Variants in PRMT8 observed in about 807,000 individuals in gnomAD.
PRMT8 encodes protein arginine N-methyltransferase 8.
PRMT8 carries 7 observed loss-of-function variants against 47.1 expected under a neutral mutation model. The observed-to-expected ratio is 0.15, with a 90% CI of 0.08 to 0.28. The LOEUF (loss-of-function observed/expected upper bound fraction) is 0.28. Among genes scored for constraint, PRMT8 ranks in the 10% least tolerant of loss-of-function variants. The pLI is 1.00. For synonymous variants in PRMT8, 188 were observed against 186.5 expected, an observed-to-expected ratio of 1.01 and a Z score of -0.07; for missense variants, 237 against 505.4, an observed-to-expected ratio of 0.47 and a Z score of 5.09.
chr12:3,555,036 G>A, intron 4 of PRMT8, among the ~76,000 whole-genome samples: 1 of 152,206 alleles, frequency 6.6e-6, no homozygotes, highest in Non-Finnish European at 1.5e-5. Context: ...CCTACTTGCT[G>A]CAGACTCTTT....
At chr12:3,469,287 G>A in intron 1 of PRMT8, 1 of 434,346 alleles carries the variant, frequency 2.3e-6, no homozygotes, top group South Asian at 1.9e-5. Flanking sequence ...CCCCACCAAA[G>A]CCCATGTAAG....
Position 3,593,430 on chromosome 12 carries a change from C to A in PRMT8, c.*248C>A. 2 of 491,744 alleles carry A rather than the reference C, an allele frequency of 4.1e-6. No homozygotes were observed. The highest frequency in any genetic ancestry group is 3.6e-6 in the Non-Finnish European group (1 of 278,438). 30.5% of individuals were successfully genotyped at this position (491,744 alleles called of 1,614,324 possible). ...GTGTTGCCAACAAAGAGCGACCTGG[C>A]GTGCTGTGGCTGGGCCCCGAGGGTG... On this transcript the variant is annotated 3_prime_UTR_variant, in exon 10 of 10. Transcript: ENST00000382622. This position sits in a 1 kb window ranked among gnomAD's most constrained non-coding sequence, Gnocchi z 4.8.
rs144271378 is a variant in PRMT8 at position 3,583,848 on chromosome 12, C to T, written c.979+640C>T. ...CTCATTCCTCACCACCCCTCTTGGCCGAGCCCTGTCCCGTCGCTGCTACCC... is the reference window on the plus strand; with the variant it reads ...CTCATTCCTCACCACCCCTCTTGGCTGAGCCCTGTCCCGTCGCTGCTACCC... On this transcript the variant is annotated intron_variant, in intron 8 of 9. Transcript: ENST00000382622. This position sits in a 1 kb window ranked among gnomAD's most constrained non-coding sequence, Gnocchi z 4.7. Among the ~76,000 whole-genome samples the T allele has an allele frequency of 2.6e-5, 4 of 152,308 alleles. No homozygotes were observed. Among genetic ancestry groups the T allele is most frequent in the East Asian group, 3.9e-4 (2 of 5,182 alleles).
chr12:3,471,546 T>C (rs1865162594), intron 1 of PRMT8, among the ~76,000 whole-genome samples: 1 of 151,696 alleles, frequency 6.6e-6, no homozygotes, highest in African/African-American at 2.4e-5. Flanking sequence ...CCCAGCACGA[T>C]GCCTCCTCAG....
At chr12:3,407,041 C>A (rs1246171196) in intron 1 of PRMT8, among the ~76,000 whole-genome samples, 1 of 152,186 alleles carries the variant, frequency 6.6e-6, no homozygotes, top group African/African-American at 2.4e-5. Flanking sequence ...TTCAGCATGC[C>A]TGGGGAGGAT....
rs992599632 is a variant in PRMT8, at chr12:3,496,298, T to C, written c.75+4598T>C. ...GGGAATAATTACAGGTTGGAAAAAA[T>C]CCTACAATGTGACAATGAGATTAGG... is the stretch of plus-strand genomic sequence containing the variant. On this transcript the variant is annotated intron_variant, in intron 1 of 9. Coordinates refer to ENST00000382622, the MANE Select transcript of PRMT8 (RefSeq NM_019854.5). 9.6e-4 allele frequency among the ~76,000 whole-genome samples: 129 copies of C among 134,582 alleles called. 1 individual carries two copies. The highest frequency in any genetic ancestry group is 3.2e-3 in the African/African-American group (120 of 37,124). 88.3% of individuals were successfully genotyped at this position (134,582 alleles called of 152,430 possible).
In PRMT8 at chr12:3,569,333, T is replaced by G; in HGVS notation, c.625-144T>G. 1.3e-6 allele frequency: 1 copy of G among 748,190 alleles called. No individual in the cohort carries two copies. Among genetic ancestry groups the G allele is most frequent in the South Asian group, 1.6e-5 (1 of 64,250 alleles). 46.3% of individuals were successfully genotyped at this position (748,190 alleles called of 1,614,324 possible). A position where few individuals can be genotyped will look rare whatever the true frequency, so the allele number is the denominator to read the frequency against. On this transcript the variant is annotated intron_variant, in intron 5 of 9. Coordinates refer to ENST00000382622, the MANE Select transcript of PRMT8 (RefSeq NM_019854.5). This position sits in a 1 kb window ranked among gnomAD's most constrained non-coding sequence, Gnocchi z 8.2. ...AAATTGAGCACTGCTGTCCTAGCCC[T>G]CACCCCAGACAAGGTGACAGTCCAC...
chr12:3,536,757 C>T (rs559155217), intron 1 of PRMT8, among the ~76,000 whole-genome samples: 5 of 152,252 alleles, frequency 3.3e-5, no homozygotes, highest in East Asian at 1.9e-4. Flanking sequence ...GTGCAATGCT[C>T]GGGCCACACA....
intron 2 of PRMT8, among the ~76,000 whole-genome samples, chr12:3,547,053 T>A (rs984301951): frequency 2.6e-5 from 4 of 152,118 alleles, no homozygotes; most frequent in African/African-American, 9.7e-5. Flanking sequence ...AAAAAGCATG[T>A]GACAAAATTA....
intron 1 of PRMT8, among the ~76,000 whole-genome samples, chr12:3,459,330 C>CT (rs879275474): frequency 2.0e-5 from 3 of 152,104 alleles, no homozygotes; most frequent in African/African-American, 4.8e-5. Context: ...GTGAGAAGAG[C>CT]TTTTTTTCTG....
intron 1 of PRMT8, among the ~76,000 whole-genome samples, chr12:3,465,175 A>T (rs1285872138): frequency 1.5e-4 from 21 of 140,856 alleles, no homozygotes; most frequent in Admixed American, 7.1e-4. Flanking sequence ...ATATATATTT[A>T]TATATATATT....
chr12:3,445,193 G>A (rs998117484), intron 1 of PRMT8, among the ~76,000 whole-genome samples: 9 of 152,234 alleles, frequency 5.9e-5, no homozygotes, highest in South Asian at 4.2e-4. Context: ...CCTCATTGTC[G>A]TCACTATTTA....
chr12:3,541,956 A>C (rs1330879295), intron 2 of PRMT8, among the ~76,000 whole-genome samples: 13 of 152,120 alleles, frequency 8.5e-5, no homozygotes, highest in Admixed American at 8.5e-4. Flanking sequence ...TGCGTGTGTG[A>C]AAGGCCACAA....
chr12:3,450,471 T>C, intron 1 of PRMT8, among the ~76,000 whole-genome samples: 1 of 152,178 alleles, frequency 6.6e-6, no homozygotes, highest in East Asian at 1.9e-4. Flanking sequence ...CAGATGCAGG[T>C]TTTCCAAAAT....
Position 3,592,319 on chromosome 12 carries a change from G to C in PRMT8, c.1068G>C (p.Gly356=). 6.3e-7 allele frequency: 1 copy of C among 1,599,346 alleles called. No individual in the cohort carries two copies. The highest frequency in any genetic ancestry group is 1.1e-5 in the South Asian group (1 of 87,770). The change falls in exon 9 of 10, where the codon GGG becomes GGC. Residue 356 remains glycine (G), a synonymous_variant. Coordinates refer to ENST00000382622, the MANE Select transcript of PRMT8 (RefSeq NM_019854.5). ...TCCGGAGGGGGGAGGAAATCTACGG[G>C]ACCATATCCATGAAGCCAAATGCCA... ...LTVRRGEEIY[G]TISMKPNAKN... is the part of the protein sequence containing the mutation.
chr12:3,536,403 G>A (rs947174126), intron 1 of PRMT8, among the ~76,000 whole-genome samples: 1 of 152,158 alleles, frequency 6.6e-6, no homozygotes, highest in African/African-American at 2.4e-5. Context: ...CATGGCACAC[G>A]GCAGACACTT....
intron 1 of PRMT8, among the ~76,000 whole-genome samples, chr12:3,401,057 G>A (rs865884998): frequency 2.8e-5 from 4 of 143,340 alleles, no homozygotes; most frequent in Middle Eastern, 4.2e-3. Flanking sequence ...TGAGGCAGGA[G>A]AATTGCTTGA....
chr12:3,428,239 T>G (rs1864628061), intron 1 of PRMT8, among the ~76,000 whole-genome samples: 1 of 147,788 alleles, frequency 6.8e-6, no homozygotes, highest in African/African-American at 2.6e-5. Flanking sequence ...AATCATCTTT[T>G]TCTTTCTTTC....
intron 1 of PRMT8, chr12:3,468,960 A>C (rs1442610867): frequency 8.8e-6 from 2 of 227,334 alleles, no homozygotes; most frequent in African/African-American, 4.7e-5. Flanking sequence ...ATGACAAAGA[A>C]AAGAAGGAAC....
Sources: gnomAD v4.1 joint callset for allele counts (sites outside exome capture counted in the v4.1 genomes callset) on GRCh38, gnomAD v4.1.1 for gene constraint, Gnocchi (gnomAD v3.1) non-coding constraint, MANE v1.5 for transcripts, NCBI Gene and HGNC (gene_info 2026-07-23, HGNC 2026-07-21) for gene names.